Variants in MACROD2 observed in about 807,000 individuals in gnomAD.
MACROD2 encodes the protein ADP-ribose glycohydrolase MACROD2.
Under a neutral mutation model 70.4 loss-of-function variants are expected in MACROD2, and 36 were observed. The ratio of observed to expected loss-of-function variants is 0.51; its 90% CI spans 0.39 to 0.68. The LOEUF (loss-of-function observed/expected upper bound fraction) is 0.68. MACROD2 is among the 30% of genes least tolerant of loss of function. MACROD2 has a pLI of 0.00. For synonymous variants in MACROD2, 172 were observed against 178.8 expected (o/e 0.96, Z 0.30); for missense variants, 496 against 538.4 (o/e 0.92, Z 0.78).
intron 8 of MACROD2, among the ~76,000 whole-genome samples, chr20:15,646,230 A>T (rs2049538848): frequency 6.6e-6 from 1 of 152,202 alleles, no homozygotes; most frequent in African/African-American, 2.4e-5. Flanking sequence ...CAGGCTTATC[A>T]TTTTTAAAAT....
intron 4 of MACROD2, among the ~76,000 whole-genome samples, chr20:14,523,957 C>T (rs192639324): frequency 3.1e-4 from 47 of 152,248 alleles, no homozygotes; most frequent in African/African-American, 1.1e-3. Flanking sequence ...GTGATCCGGA[C>T]GTTGTTCATC....
At chr20:15,930,738 G>A (rs904252525) in intron 10 of MACROD2, among the ~76,000 whole-genome samples, 1 of 152,162 alleles carries the variant, frequency 6.6e-6, no homozygotes, top group African/African-American at 2.4e-5. Flanking sequence ...AGGGAGGGGG[G>A]TAGCACACAA....
intron 8 of MACROD2, among the ~76,000 whole-genome samples, chr20:15,550,340 T>C (rs1033453466): frequency 3.3e-5 from 5 of 150,658 alleles, no homozygotes; most frequent in African/African-American, 4.9e-5. Context: ...ATAAGAAATA[T>C]TTATTATTCA....
At chr20:15,733,650 CTG>C (rs950445835) in intron 8 of MACROD2, among the ~76,000 whole-genome samples, 10 of 152,268 alleles carry the variant, frequency 6.6e-5, no homozygotes, top group African/African-American at 2.2e-4. Context: ...GTGCTAGAGT[CTG>C]TGCTCTTAAC....
chr20:14,175,761 C>T (rs2148727306), intron 3 of MACROD2, among the ~76,000 whole-genome samples: 1 of 152,234 alleles, frequency 6.6e-6, no homozygotes, highest in African/African-American at 2.4e-5. Context: ...ACAACTTGTT[C>T]AAATTGTTCC....
intron 8 of MACROD2, among the ~76,000 whole-genome samples, chr20:15,802,894 C>T (rs924480583): frequency 3.9e-5 from 6 of 151,918 alleles, no homozygotes; most frequent in Admixed American, 1.3e-4. Context: ...AACAACTATA[C>T]GCTAACAAAC....
chr20:15,624,576 G>T (rs2049175372), intron 8 of MACROD2, among the ~76,000 whole-genome samples: 1 of 152,114 alleles, frequency 6.6e-6, no homozygotes, highest in Non-Finnish European at 1.5e-5. Context: ...ACTGAATTAG[G>T]CCCACTGACT....
chr20:15,751,470 G>A (rs1252146074), intron 8 of MACROD2, among the ~76,000 whole-genome samples: 1 of 152,014 alleles, frequency 6.6e-6, no homozygotes, highest in East Asian at 1.9e-4. Context: ...GTTGTTCATT[G>A]AAGGGTAACA....
intron 3 of MACROD2, among the ~76,000 whole-genome samples, chr20:14,287,736 C>T (rs1191057399): frequency 6.6e-6 from 1 of 152,056 alleles, no homozygotes; most frequent in Non-Finnish European, 1.5e-5. Flanking sequence ...AAAGGATCTG[C>T]TTTCTTGGTC....
intron 5 of MACROD2, among the ~76,000 whole-genome samples, chr20:14,806,591 A>C (rs924282663): frequency 8.6e-5 from 13 of 151,996 alleles, no homozygotes; most frequent in African/African-American, 3.1e-4. Context: ...GTGAGACTGA[A>C]CCATTCACTC....
chr20:15,283,325 G>A (rs2077462594), intron 6 of MACROD2, among the ~76,000 whole-genome samples: 2 of 152,156 alleles, frequency 1.3e-5, no homozygotes. Context: ...CAAACTTTAA[G>A]TTAACAGATA....
intron 5 of MACROD2, among the ~76,000 whole-genome samples, chr20:14,703,332 C>T (rs1201313981): frequency 4.6e-5 from 7 of 152,044 alleles, no homozygotes; most frequent in Admixed American, 3.3e-4. Context: ...GTCAGGATTA[C>T]ATTTGAGAAT....
At chr20:14,653,434 G>A (rs1414567199) in intron 4 of MACROD2, among the ~76,000 whole-genome samples, 3 of 151,896 alleles carry the variant, frequency 2.0e-5, no homozygotes, top group Admixed American at 6.6e-5. Context: ...TAGCCAGGAT[G>A]GTCTCGATTT....
At chr20:15,495,701 G>A (rs982833540) in intron 7 of MACROD2, among the ~76,000 whole-genome samples, 4 of 152,206 alleles carry the variant, frequency 2.6e-5, no homozygotes, top group African/African-American at 9.7e-5. Flanking sequence ...AAAGACAGAT[G>A]TGTTATCTGC....
intron 8 of MACROD2, among the ~76,000 whole-genome samples, chr20:15,665,316 C>T (rs750718138): frequency 1.3e-5 from 2 of 152,132 alleles, no homozygotes; most frequent in Non-Finnish European, 2.9e-5. Context: ...TTATGGTCGG[C>T]AGTATATTGT....
chr20:15,297,703 T>C (rs1001262676), intron 6 of MACROD2, among the ~76,000 whole-genome samples: 1 of 152,216 alleles, frequency 6.6e-6, no homozygotes, highest in Non-Finnish European at 1.5e-5. Context: ...CCTACTTTTA[T>C]GGTGCTAGAA....
chr20:15,680,779 C>T (rs990249865), intron 8 of MACROD2, among the ~76,000 whole-genome samples: 1 of 151,992 alleles, frequency 6.6e-6, no homozygotes, highest in African/African-American at 2.4e-5. Context: ...ATTTAAATGA[C>T]TAGGGAGATA....
chr20:15,760,303 G>A (rs1422684319), intron 8 of MACROD2, among the ~76,000 whole-genome samples: 2 of 152,292 alleles, frequency 1.3e-5, no homozygotes, highest in East Asian at 3.9e-4. Flanking sequence ...AGCCACTTAC[G>A]CAAAGGGAAT....
intron 5 of MACROD2, among the ~76,000 whole-genome samples, chr20:14,921,269 C>G (rs890297222): frequency 2.0e-5 from 3 of 152,086 alleles, no homozygotes; most frequent in Admixed American, 6.6e-5. Flanking sequence ...TACATCTACT[C>G]TATTTAGATT....
Sources: gnomAD v4.1 joint callset for allele counts (sites outside exome capture counted in the v4.1 genomes callset) on GRCh38, gnomAD v4.1.1 for gene constraint, MANE v1.5 for transcripts, NCBI Gene and HGNC (gene_info 2026-07-23, HGNC 2026-07-21) for gene names.